Variants in YIPF7 observed in about 807,000 individuals in gnomAD.
The protein encoded by YIPF7 is protein YIPF7.
YIPF7 carries 35 observed loss-of-function variants against 27.2 expected under a neutral mutation model. The ratio of observed to expected loss-of-function variants is 1.29; its 90% CI spans 0.98 to 1.70. The LOEUF is 1.70. Among genes scored for constraint, YIPF7 ranks in the 40% most tolerant of loss-of-function variants. The probability of loss-of-function intolerance (pLI) is 0.00; values close to 1 mark genes in which losing one functional copy is unlikely to be tolerated. For missense variants in YIPF7, 358 were observed against 303.7 expected (o/e 1.18, Z -1.33); for synonymous variants, 137 against 110.4 (o/e 1.24, Z -1.51).
chr4:44,653,691 G>A (rs909464901), upstream of YIPF7, among the ~76,000 whole-genome samples: 3 of 152,104 alleles, frequency 2.0e-5, no homozygotes, highest in Admixed American at 6.6e-5. Flanking sequence ...CTAGAATTCT[G>A]TCAGTTTTTC....
At chr4:44,650,503 G>GCA (rs1422425041) in intron 1 of YIPF7, among the ~76,000 whole-genome samples, 1,312 of 71,068 alleles carry the variant, frequency 0.018, 5 homozygotes, top group African/African-American at 0.031. Flanking sequence ...ATGCGCGCGC[G>GCA]CGCGCACACA....
chr4:44,645,508 G>C (rs568490103), intron 2 of YIPF7, among the ~76,000 whole-genome samples: 1 of 152,088 alleles, frequency 6.6e-6, no homozygotes. Flanking sequence ...AGATGTCAAC[G>C]TTATATATTT....
At chr4:44,640,253 G>A (rs769904533) in intron 2 of YIPF7, among the ~76,000 whole-genome samples, 3 of 152,202 alleles carry the variant, frequency 2.0e-5, no homozygotes, top group Non-Finnish European at 2.9e-5. Context: ...ACAGTTTCAA[G>A]AGGATTAGTA....
At chr4:44,637,380 C>G (rs2109587742) in intron 2 of YIPF7, among the ~76,000 whole-genome samples, 1 of 152,238 alleles carries the variant, frequency 6.6e-6, no homozygotes, top group African/African-American at 2.4e-5. Context: ...TAAGAGTTCC[C>G]TTTTCTCTAC....
At chr4:44,629,826 T>A (rs767647304) in intron 3 of YIPF7, among the ~76,000 whole-genome samples, 1 of 152,160 alleles carries the variant, frequency 6.6e-6, no homozygotes, top group Non-Finnish European at 1.5e-5. Flanking sequence ...AAGGAAAACA[T>A]TCCCTGATTT....
At chr4:44,636,938 G>A (rs758493007) in intron 2 of YIPF7, among the ~76,000 whole-genome samples, 1 of 152,064 alleles carries the variant, frequency 6.6e-6, no homozygotes, top group Non-Finnish European at 1.5e-5. Flanking sequence ...AATTGCCAAT[G>A]ATTCTACTCT....
At chr4:44,649,836 G>T (rs1480500460) in intron 2 of YIPF7, 149 bp downstream of exon 2, 2 of 554,168 alleles carry the variant, frequency 3.6e-6, no homozygotes, top group Non-Finnish European at 6.3e-6. Context: ...TTGCTTTCTT[G>T]GATTTTTTTT....
At chr4:44,631,507 T>A (rs1712896675) in intron 3 of YIPF7, among the ~76,000 whole-genome samples, 1 of 152,070 alleles carries the variant, frequency 6.6e-6, no homozygotes, top group African/African-American at 2.4e-5. Flanking sequence ...ACTCAGAAAC[T>A]TTCAGAGGGT....
chr4:44,635,796 CT>C (rs1713093214), intron 3 of YIPF7, 125 bp downstream of exon 3: 1 of 1,157,336 alleles, frequency 8.6e-7, no homozygotes, highest in Non-Finnish European at 1.2e-6. Context: ...TCAGCAAACT[CT>C]TGTTATATGT....
At chr4:44,659,369 C>A (rs1389659092) in intron 2 of YIPF7, among the ~76,000 whole-genome samples, 1 of 151,824 alleles carries the variant, frequency 6.6e-6, no homozygotes, top group African/African-American at 2.4e-5. Flanking sequence ...TGTAAAAAAT[C>A]TAGTAAAATA....
intron 4 of YIPF7, among the ~76,000 whole-genome samples, chr4:44,625,357 G>A (rs922913963): frequency 2.6e-5 from 4 of 152,128 alleles, no homozygotes; most frequent in Non-Finnish European, 5.9e-5. Flanking sequence ...GTAATATAAC[G>A]CTAAGCAATG....
intron 5 of YIPF7, among the ~76,000 whole-genome samples, chr4:44,623,625 AT>A (rs1282373206): frequency 6.6e-6 from 1 of 152,216 alleles, no homozygotes; most frequent in Non-Finnish European, 1.5e-5. Flanking sequence ...AAACAAACAT[AT>A]TTTTAAAACA....
rs1262166612 is a variant in YIPF7 at position 44,622,594 on chromosome 4, A to C, written c.609-18T>G. 5.0e-6 allele frequency: 8 copies of C among 1,611,372 alleles called. No individual in the cohort carries two copies. The East Asian group carries it at 6.7e-5, about 13-fold the overall frequency. ...AGATGCCCCTGCAGCAAAGACAAAG[A>C]AATGATTGCCTGTGCCAGTAGAAAA... On this transcript the variant is annotated intron_variant, in intron 5 of 5. Transcript: ENST00000415895.
intron 2 of YIPF7, among the ~76,000 whole-genome samples, chr4:44,641,822 C>A (rs1456567281): frequency 7.9e-5 from 12 of 152,112 alleles, no homozygotes; most frequent in East Asian, 1.9e-4. Flanking sequence ...TTTGAACCTG[C>A]CAGAATGTAT....
intron 2 of YIPF7, among the ~76,000 whole-genome samples, chr4:44,636,432 G>T (rs193015246): frequency 3.3e-5 from 5 of 152,214 alleles, no homozygotes; most frequent in Admixed American, 2.6e-4. Context: ...TAAACGACTT[G>T]TCCAGTAACA....
intron 1 of YIPF7, among the ~76,000 whole-genome samples, chr4:44,650,668 C>T (rs1158432892): frequency 6.6e-6 from 1 of 152,162 alleles, no homozygotes; most frequent in Non-Finnish European, 1.5e-5. Context: ...TTTCGTTTTT[C>T]TTTTGCTCTG....
At chr4:44,631,784 A>C (rs892192592) in intron 3 of YIPF7, among the ~76,000 whole-genome samples, 1 of 152,160 alleles carries the variant, frequency 6.6e-6, no homozygotes, top group Non-Finnish European at 1.5e-5. Flanking sequence ...AAGACTTTAA[A>C]AATTGAGACA....
chr4:44,632,276 A>G (rs898838219), intron 3 of YIPF7, among the ~76,000 whole-genome samples: 1 of 152,192 alleles, frequency 6.6e-6, no homozygotes, highest in Non-Finnish European at 1.5e-5. Context: ...TTTTAATGCA[A>G]AATTTATTGT....
At chr4:44,641,918 A>G (rs1278069842) in intron 2 of YIPF7, among the ~76,000 whole-genome samples, 1 of 152,218 alleles carries the variant, frequency 6.6e-6, no homozygotes, top group East Asian at 1.9e-4. Context: ...CATCAAAAAC[A>G]CTGGTAGAAA....
Sources: allele counts gnomAD v4.1 joint callset (sites outside exome capture counted in the v4.1 genomes callset), GRCh38; gene constraint gnomAD v4.1.1; transcripts MANE v1.5; gene names NCBI Gene and HGNC (gene_info 2026-07-23, HGNC 2026-07-21).